The following KLHL1 variants were observed in gnomAD, a reference collection of about 807,000 sequenced individuals.
KLHL1 encodes the protein kelch-like protein 1.
In KLHL1, 47 loss-of-function variants were observed where a neutral mutation model predicts 77.7. The ratio of observed to expected loss-of-function variants is 0.60; its 90% confidence interval spans 0.48 to 0.77. The LOEUF (loss-of-function observed/expected upper bound fraction) is 0.77, where lower values mean the gene tolerates loss of function less well. KLHL1 is among the 30% of genes least tolerant of loss of function. The pLI, the probability that KLHL1 is intolerant of heterozygous loss-of-function variation, is 0.00. For synonymous variants in KLHL1, 360 were observed against 325.2 expected, an observed-to-expected ratio of 1.11 and a Z score of -1.15; for missense variants, 925 against 910.8, an observed-to-expected ratio of 1.02 and a Z score of -0.20.
intron 4 of KLHL1, among the ~76,000 whole-genome samples, chr13:69,893,296 G>T (rs1316138307): frequency 6.7e-6 from 1 of 149,448 alleles, no homozygotes; most frequent in Non-Finnish European, 1.5e-5. Context: ...CTGCAGTGGC[G>T]CAATCTCGGC....
At chr13:69,937,211 C>T (rs1001390646) in intron 4 of KLHL1, among the ~76,000 whole-genome samples, 20 of 152,094 alleles carry the variant, frequency 1.3e-4, no homozygotes, top group African/African-American at 4.1e-4. Flanking sequence ...CCCATCTTTA[C>T]CCAAAGCAGA....
intron 1 of KLHL1, among the ~76,000 whole-genome samples, chr13:70,072,071 A>G (rs1227395809): frequency 6.6e-6 from 1 of 152,122 alleles, no homozygotes; most frequent in African/African-American, 2.4e-5. Flanking sequence ...AACCAAGATG[A>G]AACAGAGAAC....
At chr13:69,897,534 C>G (rs144930586) in intron 4 of KLHL1, among the ~76,000 whole-genome samples, 1 of 152,302 alleles carries the variant, frequency 6.6e-6, no homozygotes, top group African/African-American at 2.4e-5. Flanking sequence ...CTTGCCTTCA[C>G]AATAAATGAG....
chr13:70,089,399 T>C (rs1887621305), intron 1 of KLHL1, among the ~76,000 whole-genome samples: 2 of 152,160 alleles, frequency 1.3e-5, no homozygotes. Flanking sequence ...TTAGAGAATG[T>C]TAATAGCAGG....
intron 1 of KLHL1, among the ~76,000 whole-genome samples, chr13:69,986,374 G>A (rs763718041): frequency 2.6e-5 from 4 of 151,910 alleles, no homozygotes; most frequent in Non-Finnish European, 5.9e-5. Context: ...TGAAGTGATG[G>A]ATATGTTAAT....
intron 4 of KLHL1, among the ~76,000 whole-genome samples, chr13:69,924,349 A>C (rs182629864): frequency 6.6e-6 from 1 of 152,270 alleles, no homozygotes; most frequent in African/African-American, 2.4e-5. Flanking sequence ...ATGGCTGTCC[A>C]TGAAGCAATC....
intron 1 of KLHL1, among the ~76,000 whole-genome samples, chr13:70,038,855 T>C (rs1056474597): frequency 1.3e-5 from 2 of 152,028 alleles, no homozygotes; most frequent in African/African-American, 4.8e-5. Context: ...CCTCCCATAG[T>C]GCTGGGATTA....
intron 1 of KLHL1, among the ~76,000 whole-genome samples, chr13:70,084,017 G>C (rs756301785): frequency 6.6e-6 from 1 of 152,064 alleles, no homozygotes; most frequent in Non-Finnish European, 1.5e-5. Context: ...AAAAATGATA[G>C]AGGAAGTGGA....
intron 5 of KLHL1, among the ~76,000 whole-genome samples, chr13:69,842,150 C>T (rs1593879371): frequency 6.6e-6 from 1 of 151,446 alleles, no homozygotes; most frequent in Non-Finnish European, 1.5e-5. Context: ...GGATTTATGA[C>T]TAAGACATCA....
intron 2 of KLHL1, among the ~76,000 whole-genome samples, chr13:69,967,713 C>T (rs531499693): frequency 1.1e-4 from 16 of 151,900 alleles, no homozygotes; most frequent in South Asian, 2.1e-4. Context: ...GGCAAAACCC[C>T]GTCTCTACTA....
chr13:69,851,176 T>A (rs1264562114), intron 5 of KLHL1, among the ~76,000 whole-genome samples: 1 of 147,624 alleles, frequency 6.8e-6, no homozygotes, highest in African/African-American at 2.5e-5. Flanking sequence ...AATTTTATGC[T>A]TGAAATTCAA....
At chr13:69,840,782 TA>T (rs1458492405) in intron 5 of KLHL1, among the ~76,000 whole-genome samples, 2 of 148,328 alleles carry the variant, frequency 1.3e-5, no homozygotes, top group African/African-American at 5.2e-5. Flanking sequence ...CTATTTTTAG[TA>T]AATTTTTTTT....
intron 5 of KLHL1, among the ~76,000 whole-genome samples, chr13:69,844,800 T>A (rs1164826384): frequency 1.3e-5 from 2 of 151,580 alleles, no homozygotes. Flanking sequence ...ACAACAAACA[T>A]CACAGTATAT....
chr13:69,825,796 C>T (rs1878520315), intron 6 of KLHL1, among the ~76,000 whole-genome samples: 1 of 152,054 alleles, frequency 6.6e-6, no homozygotes, highest in Non-Finnish European at 1.5e-5. Flanking sequence ...AACTGATGAG[C>T]TACAGAGGGC....
At chr13:69,908,217 C>T (rs1156559728) in intron 4 of KLHL1, among the ~76,000 whole-genome samples, 1 of 151,270 alleles carries the variant, frequency 6.6e-6, no homozygotes, top group African/African-American at 2.4e-5. Context: ...AGAAGAGACG[C>T]CAGAACCATG....
chr13:69,994,040 G>T (rs1885089820), intron 1 of KLHL1, among the ~76,000 whole-genome samples: 1 of 151,792 alleles, frequency 6.6e-6, no homozygotes, highest in Non-Finnish European at 1.5e-5. Flanking sequence ...GATTGGGATT[G>T]AGAATGTACA....
At chr13:70,007,946 T>C (rs17813717) in intron 1 of KLHL1, among the ~76,000 whole-genome samples, 31,225 of 151,838 alleles carry the variant, frequency 0.21, 3,341 homozygotes, top group Middle Eastern at 0.27. Context: ...GCCCCAAAAA[T>C]GCCACATTAG....
At chr13:69,967,958 G>A (rs1593634326) in intron 2 of KLHL1, among the ~76,000 whole-genome samples, 1 of 151,738 alleles carries the variant, frequency 6.6e-6, no homozygotes. Flanking sequence ...GGGTTGAAGA[G>A]AAAATTGATT....
At chr13:69,807,546 G>A (rs1877668080) in intron 6 of KLHL1, among the ~76,000 whole-genome samples, 1 of 152,122 alleles carries the variant, frequency 6.6e-6, no homozygotes, top group South Asian at 2.1e-4. Context: ...CACTCCCCAT[G>A]TAGTTCACCT....
Sources: allele counts gnomAD v4.1 joint callset (sites outside exome capture counted in the v4.1 genomes callset), GRCh38; gene constraint gnomAD v4.1.1; transcripts MANE v1.5; gene names NCBI Gene and HGNC (gene_info 2026-07-23, HGNC 2026-07-21).